ZMYM2: variants seen among roughly 807,000 people sequenced by gnomAD.
ZMYM2 encodes the protein zinc finger MYM-type protein 2.
A neutral mutation model predicts 162.8 loss-of-function variants in ZMYM2; 56 were observed. The ratio of observed to expected loss-of-function variants is 0.34; its 90% confidence interval spans 0.28 to 0.43. The LOEUF (loss-of-function observed/expected upper bound fraction) is 0.43. ZMYM2 is among the 20% of genes least tolerant of loss of function. The pLI, the probability that ZMYM2 is intolerant of heterozygous loss-of-function variation, is 1.00. For missense variants in ZMYM2, 1,275 were observed against 1,621.8 expected, an observed-to-expected ratio of 0.79 and a Z score of 3.67; for synonymous variants, 510 against 541.6, an observed-to-expected ratio of 0.94 and a Z score of 0.81.
intron 14 of ZMYM2, among the ~76,000 whole-genome samples, chr13:20,054,648 AC>A (rs1408438192): frequency 6.6e-6 from 1 of 152,192 alleles, no homozygotes; most frequent in African/African-American, 2.4e-5. Flanking sequence ...AAAGTAAAAA[AC>A]ATTCTAAAAA....
At position 20,087,894 on chromosome 13, in the gene ZMYM2, T is replaced by A. The variant is rs757957426; in HGVS notation, c.*1880T>A. On this transcript the variant is annotated 3_prime_UTR_variant, in exon 25 of 25. Transcript: ENST00000610343. ...TTCCAGAACTACTTCTTTAAGCACT[T>A]TTCCTATTAATGCCTATTGTTGATT... is the stretch of plus-strand genomic sequence containing the variant. 11 of 189,438 alleles carry A rather than the reference T, an allele frequency of 5.8e-5. No homozygotes were observed. The highest frequency in any genetic ancestry group is 1.0e-4 in the Non-Finnish European group (9 of 90,086). The allele number at this position is 189,438 out of a possible 1,614,324, so 11.7% of individuals were successfully genotyped here.
At chr13:20,033,535 C>T (rs570369572) in intron 10 of ZMYM2, among the ~76,000 whole-genome samples, 1 of 152,274 alleles carries the variant, frequency 6.6e-6, no homozygotes, top group South Asian at 2.1e-4. Context: ...CCTCACCTTC[C>T]TTATTCTGGT....
intron 14 of ZMYM2, among the ~76,000 whole-genome samples, chr13:20,055,850 G>A (rs529463622): frequency 6.6e-6 from 1 of 152,032 alleles, no homozygotes; most frequent in African/African-American, 2.4e-5. Flanking sequence ...CAGGTTAATC[G>A]GGGTTAGGAA....
chr13:20,005,901 A>G (rs887974421), intron 5 of ZMYM2, among the ~76,000 whole-genome samples: 1 of 152,062 alleles, frequency 6.6e-6, no homozygotes, highest in Non-Finnish European at 1.5e-5. Context: ...AGTGCCATAC[A>G]TGTGTTCCTG....
intron 7 of ZMYM2, among the ~76,000 whole-genome samples, chr13:20,020,378 T>G (rs1951975937): frequency 6.6e-6 from 1 of 151,662 alleles, no homozygotes; most frequent in Non-Finnish European, 1.5e-5. Context: ...GGGATTACAG[T>G]CATGCACCAC....
At chr13:19,900,163 T>C in the ZMYM2 span, among the ~76,000 whole-genome samples, 2 of 151,266 alleles carry the variant, frequency 1.3e-5, no homozygotes, top group Admixed American at 6.6e-5. Context: ...TAGCCGGGTG[T>C]GGTGGTGTGA....
Position 20,068,161 on chromosome 13 carries a change from CCAT to C in ZMYM2, c.3453+775_3453+777del, listed in dbSNP as rs527904416. 53 of 180,914 alleles carry C rather than the reference CCAT, an allele frequency of 2.9e-4. No homozygotes were observed. In the South Asian group the frequency reaches 0.01, roughly 35 times the overall value. The allele number at this position is 180,914 out of a possible 1,614,324, so 11.2% of individuals were successfully genotyped here. ...GGCTATAAATCACTGTATTCAAGGA[CCAT>C]CATATATCTTGCAGTAGCAACCTAA... On this transcript the variant is annotated intron_variant, in intron 21 of 24. Coordinates refer to ENST00000610343, the MANE Select transcript of ZMYM2 (RefSeq NM_197968.4).
chr13:20,033,114 A>T (rs1236230203), intron 10 of ZMYM2, among the ~76,000 whole-genome samples: 1 of 152,154 alleles, frequency 6.6e-6, no homozygotes, highest in Non-Finnish European at 1.5e-5. Context: ...ATGAAGGCCC[A>T]GTAAGAGGTA....
At chr13:19,995,865 C>T (rs1949980333) in intron 3 of ZMYM2, among the ~76,000 whole-genome samples, 1 of 152,134 alleles carries the variant, frequency 6.6e-6, no homozygotes, top group African/African-American at 2.4e-5. Context: ...GTGGTGCACA[C>T]CTGTGGTCCC....
chr13:20,082,562 A>G (rs1277958600), intron 22 of ZMYM2, among the ~76,000 whole-genome samples: 3 of 152,180 alleles, frequency 2.0e-5, no homozygotes, highest in Non-Finnish European at 4.4e-5. Flanking sequence ...TGAAGAACAG[A>G]AGCAAACATC....
intron 21 of ZMYM2, 135 bp from the exon 22 acceptor site, chr13:20,081,881 T>C (rs1273785435): frequency 1.9e-6 from 1 of 513,622 alleles, no homozygotes; most frequent in Non-Finnish European, 3.3e-6. Context: ...ATACATAAAA[T>C]CAGTCATGTT....
intron 16 of ZMYM2, among the ~76,000 whole-genome samples, chr13:20,059,785 C>T (rs1364910905): frequency 5.3e-5 from 8 of 152,044 alleles, no homozygotes; most frequent in Admixed American, 6.6e-5. Flanking sequence ...CCTGTAATCC[C>T]AGCACTTTGG....
intron 2 of ZMYM2, among the ~76,000 whole-genome samples, chr13:19,976,870 TGA>T (rs2139398930): frequency 6.6e-6 from 1 of 152,342 alleles, no homozygotes; most frequent in East Asian, 1.9e-4. Context: ...AAGGGTATAA[TGA>T]AGTCTTCAGC....
chr13:19,983,219 A>C (rs113866567), intron 2 of ZMYM2, among the ~76,000 whole-genome samples: 4,114 of 150,280 alleles, frequency 0.027, 120 homozygotes, highest in East Asian at 0.13. Context: ...ATCTTGGCTC[A>C]CTGCAACCTT....
chr13:19,907,784 A>AAAG, the ZMYM2 span, among the ~76,000 whole-genome samples: 1 of 147,350 alleles, frequency 6.8e-6, no homozygotes, highest in African/African-American at 2.5e-5. Context: ...AAAAAAAAAA[A>AAAG]GGTAAAGTCT....
chr13:20,034,019 A>G (rs1235981956), intron 10 of ZMYM2, among the ~76,000 whole-genome samples: 1 of 152,172 alleles, frequency 6.6e-6, no homozygotes, highest in East Asian at 1.9e-4. Context: ...ATTTAGTGAT[A>G]CTTTTACTTC....
chr13:19,931,818 G>T, the ZMYM2 span, among the ~76,000 whole-genome samples: 3 of 152,240 alleles, frequency 2.0e-5, no homozygotes, highest in African/African-American at 4.8e-5. Context: ...TGTAGAGAAG[G>T]TCTCACTATG....
chr13:19,948,813 G>A, the ZMYM2 span, among the ~76,000 whole-genome samples: 25 of 152,148 alleles, frequency 1.6e-4, no homozygotes, highest in Admixed American at 1.4e-3. Flanking sequence ...TGAATTTTCT[G>A]CTCAAATTTT....
chr13:19,971,365 G>A (rs148127777), intron 2 of ZMYM2, among the ~76,000 whole-genome samples: 12 of 149,254 alleles, frequency 8.0e-5, no homozygotes, highest in Admixed American at 4.0e-4. Flanking sequence ...CTGCCTCCGG[G>A]GTTGAAGCTA....
Sources: allele counts gnomAD v4.1 joint callset (sites outside exome capture counted in the v4.1 genomes callset), GRCh38; gene constraint gnomAD v4.1.1; transcripts MANE v1.5; gene names NCBI Gene and HGNC (gene_info 2026-07-23, HGNC 2026-07-21).